The following GRIN2A variants were observed in gnomAD, a reference collection of about 807,000 sequenced individuals.
The protein encoded by GRIN2A is glutamate receptor ionotropic, NMDA 2A.
GRIN2A carries 22 observed loss-of-function variants against 113.4 expected under a neutral mutation model. The observed-to-expected ratio is 0.19, with a 90% CI of 0.14 to 0.28. GRIN2A has a LOEUF of 0.28. GRIN2A is among the 10% of genes least tolerant of loss of function. GRIN2A has a pLI of 1.00. For missense variants in GRIN2A, 1,502 were observed against 1,887.0 expected (o/e 0.80, Z 3.78); for synonymous variants, 827 against 738.4 (o/e 1.12, Z -1.94).
In GRIN2A at chr16:9,931,782, C is replaced by T. The variant is rs368587975; in HGVS notation, c.1007+6177G>A. ...ACACGCACACAAAAATGCAGGTAAA[C>T]GTGTGCACATGTGTGTATATACATA... On this transcript the variant is annotated intron_variant, in intron 3 of 12. Transcript: ENST00000330684. Among the ~76,000 whole-genome samples the T allele has an allele frequency of 1.1e-4, 17 of 152,300 alleles. No individual in the cohort carries two copies. In the East Asian group the frequency reaches 1.7e-3, roughly 16 times the overall value.
At position 9,938,248 on chromosome 16, in the gene GRIN2A, G is replaced by A. The variant is rs2141631226; in HGVS notation, c.718C>T (p.Leu240=). ...AGGCCAAGGGAGCGGGCCTCACTCAGAATGAGAACAGCCTCGTCTTTGGAA... is the reference window on the plus strand; with the variant it reads ...AGGCCAAGGGAGCGGGCCTCACTCAAAATGAGAACAGCCTCGTCTTTGGAA... The part of the protein sequence containing the change: ...YCSKDEAVLI[L]SEARSLGLTG... The change falls in exon 3 of 13, where the codon CTG becomes TTG. Residue 240 remains leucine, a synonymous_variant. Transcript: ENST00000330684. 6.2e-7 allele frequency: 1 copy of A among 1,614,142 alleles called. No individual in the cohort carries two copies. Among genetic ancestry groups the A allele is most frequent in the Non-Finnish European group, 8.5e-7 (1 of 1,179,982 alleles).
chr16:9,762,994 A>G lies in GRIN2A; in HGVS notation c.*155T>C. 1.4e-6 allele frequency: 1 copy of G among 716,082 alleles called. No individual in the cohort carries two copies. The highest frequency in any genetic ancestry group is 1.8e-5 in the South Asian group (1 of 55,832). 44.4% of individuals were successfully genotyped at this position (716,082 alleles called of 1,614,324 possible). A position where few individuals can be genotyped will look rare whatever the true frequency, so the allele number is the denominator to read the frequency against. On this transcript the variant is annotated 3_prime_UTR_variant, in exon 13 of 13. Transcript: ENST00000330684. ...TCCTTGAGTGGAAGATTATGGCATG[A>G]AGCCGTGTGCAAAAGAGCCAACAAC...
At chr16:9,947,659 G>T (rs1430074355) in intron 2 of GRIN2A, among the ~76,000 whole-genome samples, 1 of 152,188 alleles carries the variant, frequency 6.6e-6, no homozygotes, top group Non-Finnish European at 1.5e-5. Flanking sequence ...TTGGGAGTCT[G>T]TATGTTCCTG....
chr16:9,856,032 T>C (rs1271661053), intron 4 of GRIN2A, among the ~76,000 whole-genome samples: 1 of 152,188 alleles, frequency 6.6e-6, no homozygotes, highest in African/African-American at 2.4e-5. Flanking sequence ...CAAAGACCAT[T>C]GTTAACACTG....
At chr16:9,967,994 TAC>T (rs1335977925) in intron 2 of GRIN2A, among the ~76,000 whole-genome samples, 1 of 152,212 alleles carries the variant, frequency 6.6e-6, no homozygotes, top group Non-Finnish European at 1.5e-5. Context: ...TTGGAATTCA[TAC>T]AGTGTTTCAT....
intron 3 of GRIN2A, among the ~76,000 whole-genome samples, chr16:9,895,356 C>T (rs2043783166): frequency 6.6e-6 from 1 of 152,186 alleles, no homozygotes; most frequent in African/African-American, 2.4e-5. Context: ...AACCCTGAAA[C>T]ATCATGATGT....
chr16:9,988,548 C>G (rs2046033788), intron 2 of GRIN2A, among the ~76,000 whole-genome samples: 1 of 151,840 alleles, frequency 6.6e-6, no homozygotes, highest in Non-Finnish European at 1.5e-5. Context: ...ATTAATCTCT[C>G]TCTCTCTCTC....
At position 10,030,226 on chromosome 16, in the gene GRIN2A, T is replaced by A. The variant is rs189909626; in HGVS notation, c.415-91675A>T. 2.6e-4 allele frequency among the ~76,000 whole-genome samples: 40 copies of A among 152,262 alleles called. 1 individual carries two copies. The highest frequency in any genetic ancestry group is 7.2e-4 in the Admixed American group (11 of 15,298). On this transcript the variant is annotated intron_variant, in intron 2 of 12. Coordinates refer to ENST00000330684, the MANE Select transcript of GRIN2A (RefSeq NM_001134407.3). ...TTAAATGTTATACAACTCTCATTTC[T>A]CTCGTCCTTCAATATTACTGCATTT...
intron 2 of GRIN2A, among the ~76,000 whole-genome samples, chr16:10,159,485 T>C (rs549358550): frequency 2.6e-4 from 40 of 152,288 alleles, no homozygotes; most frequent in East Asian, 1.5e-3. Context: ...GAGGAGCTGA[T>C]GGGATGCTTG....
Position 9,937,923 on chromosome 16 carries a change from T to G in GRIN2A, c.1007+36A>C, listed in dbSNP as rs145680603. On this transcript the variant is annotated intron_variant, in intron 3 of 12. Coordinates refer to ENST00000330684, the MANE Select transcript of GRIN2A (RefSeq NM_001134407.3). ...GCAAACAATGACAACAGCAAAACTC[T>G]GATCCCACTTTGGGAGACAACAAGC... 2,363 of 1,459,904 alleles carry G rather than the reference T, an allele frequency of 1.6e-3. 42 individuals carry two copies. The African/African-American group carries it at 0.028, about 17-fold the overall frequency. The allele number at this position is 1,459,904 out of a possible 1,614,324, so 90.4% of individuals were successfully genotyped here. A position where few individuals can be genotyped will look rare whatever the true frequency, so the allele number is the denominator to read the frequency against.
intron 2 of GRIN2A, among the ~76,000 whole-genome samples, chr16:10,077,393 G>C (rs1456061708): frequency 6.6e-6 from 1 of 152,132 alleles, no homozygotes; most frequent in African/African-American, 2.4e-5. Flanking sequence ...CATTTTGGTG[G>C]CATCTCCAAC....
chr16:9,845,666 C>T (rs1252495312), intron 5 of GRIN2A, among the ~76,000 whole-genome samples: 1 of 152,194 alleles, frequency 6.6e-6, no homozygotes, highest in African/African-American at 2.4e-5. Context: ...CTCCCCAGGG[C>T]CTTTGCACCT....
At chr16:10,060,859 C>G (rs1410426493) in intron 2 of GRIN2A, among the ~76,000 whole-genome samples, 1 of 152,156 alleles carries the variant, frequency 6.6e-6, no homozygotes, top group East Asian at 1.9e-4. Flanking sequence ...CAGTGCAAGC[C>G]AAAAACCATC....
intron 2 of GRIN2A, among the ~76,000 whole-genome samples, chr16:10,051,108 C>T (rs1016110377): frequency 6.6e-6 from 1 of 152,186 alleles, no homozygotes; most frequent in Non-Finnish European, 1.5e-5. Flanking sequence ...CCACACTCTT[C>T]CTCTTGTCCT....
chr16:9,960,924 C>G (rs1290921035), intron 2 of GRIN2A, among the ~76,000 whole-genome samples: 2 of 152,214 alleles, frequency 1.3e-5, no homozygotes, highest in African/African-American at 2.4e-5. Context: ...CCGCACCCAG[C>G]TGTAATTTTC....
chr16:10,023,101 C>G (rs891311207), intron 2 of GRIN2A, among the ~76,000 whole-genome samples: 1 of 152,152 alleles, frequency 6.6e-6, no homozygotes, highest in African/African-American at 2.4e-5. Flanking sequence ...GAGGGCTCTA[C>G]CAATGAGAAA....
chr16:10,135,913 A>G (rs2049181935), intron 2 of GRIN2A, among the ~76,000 whole-genome samples: 1 of 152,176 alleles, frequency 6.6e-6, no homozygotes, highest in Non-Finnish European at 1.5e-5. Context: ...GACTGAGTAC[A>G]GACTGTAGCC....
intron 8 of GRIN2A, 106 bp from the exon 9 acceptor site, chr16:9,829,758 T>C: frequency 4.0e-6 from 3 of 750,594 alleles, no homozygotes; most frequent in South Asian, 1.5e-5. Flanking sequence ...TGCCAGAAGA[T>C]GGAATTATAT....
At chr16:9,967,285 C>T (rs111700006) in intron 2 of GRIN2A, among the ~76,000 whole-genome samples, 6 of 152,308 alleles carry the variant, frequency 3.9e-5, no homozygotes, top group Admixed American at 1.3e-4. Context: ...AAAATGATGT[C>T]TTGCAGCAAC....
Sources: gnomAD v4.1 joint callset for allele counts (sites outside exome capture counted in the v4.1 genomes callset) on GRCh38, gnomAD v4.1.1 for gene constraint, MANE v1.5 for transcripts, NCBI Gene and HGNC (gene_info 2026-07-23, HGNC 2026-07-21) for gene names.